CMSS1: variants seen among roughly 807,000 people sequenced by gnomAD.
CMSS1 encodes cms1 ribosomal small subunit homolog.
Under a neutral mutation model 43.5 loss-of-function variants are expected in CMSS1, and 33 were observed. The observed-to-expected ratio is 0.76, with a 90% CI of 0.57 to 1.01. The LOEUF is 1.01. Ranked by LOEUF, CMSS1 falls within the 50% of genes least tolerant of loss-of-function variation. The probability of loss-of-function intolerance (pLI) is 0.00; values close to 1 mark genes in which losing one functional copy is unlikely to be tolerated. For missense variants in CMSS1, 313 were observed against 326.4 expected (o/e 0.96, Z 0.32); for synonymous variants, 115 against 117.2 (o/e 0.98, Z 0.12).
At chr3:100,068,033 G>C (rs2065695998) in intron 1 of CMSS1, among the ~76,000 whole-genome samples, 1 of 152,042 alleles carries the variant, frequency 6.6e-6, no homozygotes, top group South Asian at 2.1e-4. Context: ...TTAAAGTCAA[G>C]CCAACCTGGA....
In CMSS1 at chr3:100,122,218, A is replaced by T. The variant is rs373922893; in HGVS notation, c.65-24755A>T. Among the ~76,000 whole-genome samples, 3 of 152,330 alleles carry T rather than the reference A, an allele frequency of 2.0e-5. No individual in the cohort carries two copies. In the East Asian group the frequency reaches 5.8e-4, roughly 29 times the overall value. ...TTCATGCTGTGTACAAGTACCCAGA[A>T]CCCACTGCAGGGCTTCCAGAGAGCA... On this transcript the variant is annotated intron_variant, in intron 1 of 9. Transcript: ENST00000421999.
At chr3:100,081,058 C>G (rs1464885679) in intron 1 of CMSS1, among the ~76,000 whole-genome samples, 3 of 152,324 alleles carry the variant, frequency 2.0e-5, no homozygotes, top group Non-Finnish European at 4.4e-5. Context: ...TTTAGACACT[C>G]TCAACAGCCA....
rs2066662366 is a variant in CMSS1 at position 100,126,407 on chromosome 3, T to G, written c.65-20566T>G. 2.6e-5 allele frequency among the ~76,000 whole-genome samples: 4 copies of G among 152,328 alleles called. No individual in the cohort carries two copies. In the South Asian group the frequency reaches 8.3e-4, roughly 32 times the overall value. ...GTACTTCTCTTGAGTAATTGATTGTTTTGTCATTGTCATTTTAGCTTATGC... is the reference window on the plus strand; with the variant it reads ...GTACTTCTCTTGAGTAATTGATTGTGTTGTCATTGTCATTTTAGCTTATGC... On this transcript the variant is annotated intron_variant, in intron 1 of 9. Coordinates refer to ENST00000421999, the MANE Select transcript of CMSS1 (RefSeq NM_032359.4).
At chr3:99,987,543 A>AAAAG (rs1436441211) in intron 1 of CMSS1, among the ~76,000 whole-genome samples, 1 of 150,926 alleles carries the variant, frequency 6.6e-6, no homozygotes, top group African/African-American at 2.5e-5. Context: ...AAAAAAAAAA[A>AAAAG]AAAGAAAGAA....
chr3:100,017,565 A>T (rs1235207622), intron 1 of CMSS1, among the ~76,000 whole-genome samples: 1 of 152,198 alleles, frequency 6.6e-6, no homozygotes, highest in African/African-American at 2.4e-5. Context: ...TGTCAGCAAC[A>T]TGTATCCTGA....
At chr3:99,911,099 G>A (rs1423863164) in intron 1 of CMSS1, among the ~76,000 whole-genome samples, 2 of 152,090 alleles carry the variant, frequency 1.3e-5, no homozygotes, top group Non-Finnish European at 2.9e-5. Context: ...GGATTAGGTA[G>A]CGCATTACAC....
At chr3:99,893,000 A>G (rs1442643976) in intron 1 of CMSS1, among the ~76,000 whole-genome samples, 1 of 152,158 alleles carries the variant, frequency 6.6e-6, no homozygotes, top group Admixed American at 6.5e-5. Context: ...AGTGATCAGG[A>G]CAGTGACTGG....
intron 1 of CMSS1, among the ~76,000 whole-genome samples, chr3:100,018,556 G>A (rs1042483480): frequency 1.3e-5 from 2 of 151,846 alleles, no homozygotes; most frequent in African/African-American, 2.4e-5. Context: ...AAATCAACTC[G>A]AAATGAATTA....
At chr3:100,139,151 T>C (rs2066780863) in intron 1 of CMSS1, among the ~76,000 whole-genome samples, 4 of 151,830 alleles carry the variant, frequency 2.6e-5, no homozygotes, top group Admixed American at 2.6e-4. Context: ...TGAGAACATG[T>C]GGACACAGGG....
intron 2 of CMSS1, 87 bp from the exon 3 acceptor site, chr3:100,160,343 A>G (rs935715468): frequency 1.5e-6 from 1 of 687,856 alleles, no homozygotes; most frequent in East Asian, 2.8e-5. Context: ...GAATACATGC[A>G]TGGCAGAAAG....
chr3:100,153,138 T>A (rs1020665146), intron 2 of CMSS1, among the ~76,000 whole-genome samples: 1 of 152,196 alleles, frequency 6.6e-6, no homozygotes, highest in African/African-American at 2.4e-5. Context: ...CAAAGCCCAG[T>A]CTGGATTGAA....
chr3:99,996,325 T>C (rs1709679317), intron 1 of CMSS1, among the ~76,000 whole-genome samples: 1 of 152,140 alleles, frequency 6.6e-6, no homozygotes, highest in South Asian at 2.1e-4. Context: ...CTCATTTCCA[T>C]CTGAGACCAC....
intron 1 of CMSS1, among the ~76,000 whole-genome samples, chr3:100,070,106 G>A (rs545294834): frequency 8.5e-5 from 13 of 152,320 alleles, no homozygotes; most frequent in African/African-American, 2.6e-4. Context: ...AGAGGCCGTG[G>A]ATTTGGACAG....
At chr3:99,979,271 C>T (rs1382451423) in intron 1 of CMSS1, among the ~76,000 whole-genome samples, 1 of 152,114 alleles carries the variant, frequency 6.6e-6, no homozygotes, top group Non-Finnish European at 1.5e-5. Flanking sequence ...GAATGAGACT[C>T]TACCTAAAAT....
intron 1 of CMSS1, among the ~76,000 whole-genome samples, chr3:99,902,608 A>C (rs1488311149): frequency 1.3e-5 from 2 of 152,250 alleles, no homozygotes; most frequent in Non-Finnish European, 2.9e-5. Context: ...ACCTTGGATT[A>C]TAGTCCATTG....
chr3:99,986,618 AGAAGAAATT>A (rs1177375088), intron 1 of CMSS1, among the ~76,000 whole-genome samples: 2 of 152,098 alleles, frequency 1.3e-5, no homozygotes, highest in African/African-American at 4.8e-5. Flanking sequence ...GCACATGGAG[AGAAGAAATT>A]GAAGAAATTG....
chr3:99,903,654 T>A (rs1706516606), intron 1 of CMSS1, among the ~76,000 whole-genome samples: 1 of 152,158 alleles, frequency 6.6e-6, no homozygotes, highest in African/African-American at 2.4e-5. Context: ...AAAAATTGGC[T>A]GTTAGGAGTA....
chr3:99,969,372 G>A (rs1708748358), intron 1 of CMSS1, among the ~76,000 whole-genome samples: 1 of 152,218 alleles, frequency 6.6e-6, no homozygotes, highest in Admixed American at 6.5e-5. Flanking sequence ...GCAAGAATGA[G>A]TAGGAGGTTG....
At chr3:99,866,924 A>AT (rs1944549801) in intron 1 of CMSS1, among the ~76,000 whole-genome samples, 1 of 152,142 alleles carries the variant, frequency 6.6e-6, no homozygotes, top group Admixed American at 6.5e-5. Flanking sequence ...AATTAAAATT[A>AT]TTTTGGTTAT....
Sources: allele counts gnomAD v4.1 joint callset (sites outside exome capture counted in the v4.1 genomes callset), GRCh38; gene constraint gnomAD v4.1.1; transcripts MANE v1.5; gene names NCBI Gene and HGNC (gene_info 2026-07-23, HGNC 2026-07-21).